LPIN1: variants seen among roughly 807,000 people sequenced by gnomAD.
LPIN1 encodes phosphatidate phosphatase LPIN1.
In LPIN1, 71 loss-of-function variants were observed where a neutral mutation model predicts 107.5. The ratio of observed to expected loss-of-function variants is 0.66; its 90% CI spans 0.55 to 0.80. LPIN1 has a LOEUF of 0.80. Among genes scored for constraint, LPIN1 ranks in the 30% least tolerant of loss-of-function variants. The pLI is 0.00. For missense variants in LPIN1, 1,043 were observed against 1,160.6 expected (o/e 0.90, Z 1.47); for synonymous variants, 445 against 452.6 (o/e 0.98, Z 0.21).
At chr2:11,791,649 TG>T in intron 12 of LPIN1, 1 of 1,290,622 alleles carries the variant, frequency 7.7e-7, no homozygotes, top group Non-Finnish European at 1.0e-6. Context: ...CTTTTTTTGT[TG>T]TTGTTGTTGT....
At chr2:11,711,376 T>C (rs2148524157) in intron 1 of LPIN1, among the ~76,000 whole-genome samples, 1 of 152,310 alleles carries the variant, frequency 6.6e-6, no homozygotes, top group East Asian at 1.9e-4. Flanking sequence ...AACGTATAGA[T>C]GAAGAAATCA....
At chr2:11,740,797 A>C (rs1666288237) in intron 1 of LPIN1, among the ~76,000 whole-genome samples, 1 of 152,156 alleles carries the variant, frequency 6.6e-6, no homozygotes, top group South Asian at 2.1e-4. Flanking sequence ...GGGGATAAAA[A>C]ATTTGAAGCC....
chr2:11,696,095 C>T (rs577581226), intron 1 of LPIN1, among the ~76,000 whole-genome samples: 4 of 142,652 alleles, frequency 2.8e-5, no homozygotes, highest in Admixed American at 2.2e-4. Flanking sequence ...AGGATCCATG[C>T]GGAGAACATG....
chr2:11,700,394 G>A (rs1393221626), intron 1 of LPIN1, among the ~76,000 whole-genome samples: 1 of 152,190 alleles, frequency 6.6e-6, no homozygotes, highest in African/African-American at 2.4e-5. Flanking sequence ...ACACTGGTTT[G>A]TGTGACCTTC....
chr2:11,764,078 G>T (rs7601813), intron 1 of LPIN1: 1 of 63,278 alleles, frequency 1.6e-5, no homozygotes, highest in Admixed American at 1.5e-4. Context: ...GTGTGTGTGT[G>T]TATATATATA....
intron 14 of LPIN1, among the ~76,000 whole-genome samples, chr2:11,798,368 T>G (rs573119965): frequency 3.9e-5 from 6 of 152,164 alleles, no homozygotes; most frequent in Admixed American, 3.9e-4. Flanking sequence ...GTGGGCACAG[T>G]GGCATTGCTG....
At chr2:11,712,534 C>T (rs1019923378) in intron 1 of LPIN1, among the ~76,000 whole-genome samples, 1 of 152,190 alleles carries the variant, frequency 6.6e-6, no homozygotes, top group African/African-American at 2.4e-5. Flanking sequence ...TTCCCAGTAC[C>T]TAGCGAAGTA....
upstream of LPIN1, chr2:11,745,804 C>G (rs1487284919): frequency 1.3e-5 from 2 of 152,562 alleles, no homozygotes; most frequent in African/African-American, 4.8e-5. Context: ...TTCCCTCCAG[C>G]CCACAGCACC....
In LPIN1 at chr2:11,771,759, C is replaced by A. The variant is rs1045790987; in HGVS notation, c.596+80C>A. The A allele has an allele frequency of 7.2e-7, 1 of 1,395,166 alleles. No homozygotes were observed. Among genetic ancestry groups the A allele is most frequent in the Non-Finnish European group, 9.8e-7 (1 of 1,018,386 alleles). The allele number at this position is 1,395,166 out of a possible 1,614,324, so 86.4% of individuals were successfully genotyped here. A position where few individuals can be genotyped will look rare whatever the true frequency, so the allele number is the denominator to read the frequency against. Reference sequence around the variant, plus strand: ...AAGATTATTTTTATGAACTTTTCCCCCATAATTCCTTATTCTTTTATGTGT... The same window carrying A: ...AAGATTATTTTTATGAACTTTTCCCACATAATTCCTTATTCTTTTATGTGT... On this transcript the variant is annotated intron_variant, in intron 4 of 20. Transcript: ENST00000674199. The surrounding 1 kb of genome is among the most constrained non-coding windows in gnomAD (Gnocchi z 4.8).
chr2:11,690,681 C>T (rs1263426056), intron 1 of LPIN1, among the ~76,000 whole-genome samples: 3 of 152,108 alleles, frequency 2.0e-5, no homozygotes, highest in African/African-American at 7.2e-5. Flanking sequence ...TGGATGCTTC[C>T]TTACTATATT....
intron 13 of LPIN1, among the ~76,000 whole-genome samples, chr2:11,793,596 G>A (rs1676158262): frequency 6.6e-6 from 1 of 152,170 alleles, no homozygotes; most frequent in African/African-American, 2.4e-5. Flanking sequence ...TTCAATGGCT[G>A]AAGGTACCTT....
At chr2:11,811,150 T>C (rs1679575189) in intron 17 of LPIN1, among the ~76,000 whole-genome samples, 1 of 152,224 alleles carries the variant, frequency 6.6e-6, no homozygotes, top group Admixed American at 6.5e-5. Flanking sequence ...TGCCATGCCC[T>C]GTGCGTACCC....
intron 1 of LPIN1, among the ~76,000 whole-genome samples, chr2:11,759,551 G>T (rs1669303509): frequency 1.3e-5 from 2 of 152,194 alleles, no homozygotes; most frequent in South Asian, 4.1e-4. Flanking sequence ...TCTTAGTACA[G>T]AACAAAATGG....
At chr2:11,706,422 G>T (rs57182133) in intron 1 of LPIN1, among the ~76,000 whole-genome samples, 2,483 of 152,280 alleles carry the variant, frequency 0.016, 24 homozygotes, top group South Asian at 0.033. Flanking sequence ...TGGAATTAAG[G>T]TTACTCATCA....
chr2:11,710,170 A>G (rs534332506), intron 1 of LPIN1, among the ~76,000 whole-genome samples: 2 of 152,272 alleles, frequency 1.3e-5, no homozygotes, highest in Middle Eastern at 3.4e-3. Flanking sequence ...TGAAGGCTCC[A>G]TCTTCATCAC....
In LPIN1 at chr2:11,771,267, G is replaced by A. The variant is rs1671794053; in HGVS notation, c.289-105G>A. ...GGGCCATCTGCTGTGGCCCTCCCCA[G>A]GAGGTGCTTGGCCTCTGAAGTGAAT... On this transcript the variant is annotated intron_variant, in intron 3 of 20. Transcript: ENST00000674199. This position sits in a 1 kb window ranked among gnomAD's most constrained non-coding sequence, Gnocchi z 4.8. 1 of 1,124,404 alleles carries A rather than the reference G, an allele frequency of 8.9e-7. No homozygotes were observed. The highest frequency in any genetic ancestry group is 1.3e-6 in the Non-Finnish European group (1 of 748,116). The allele number at this position is 1,124,404 out of a possible 1,614,324, so 69.7% of individuals were successfully genotyped here. A position where few individuals can be genotyped will look rare whatever the true frequency, so the allele number is the denominator to read the frequency against.
chr2:11,726,642 A>G (rs1228863926), intron 1 of LPIN1, among the ~76,000 whole-genome samples: 1 of 152,084 alleles, frequency 6.6e-6, no homozygotes, highest in Admixed American at 6.5e-5. Flanking sequence ...GACTTTAGCA[A>G]TCATGTGATA....
intron 1 of LPIN1, among the ~76,000 whole-genome samples, chr2:11,695,115 G>A (rs1366066298): frequency 6.6e-6 from 1 of 152,150 alleles, no homozygotes; most frequent in Non-Finnish European, 1.5e-5. Context: ...GACTGTGTTG[G>A]GAACTTGGAG....
At position 11,708,602 on chromosome 2, in the gene LPIN1, G is replaced by A. The variant is rs560806924; in HGVS notation, c.82-5154G>A. ...GGTTTTCAGTGGGGAATGATGTGGT[G>A]TGATGTGCTCAATGGAGCAGGAGGC... On this transcript the variant is annotated intron_variant, in intron 1 of 21. Transcript: ENST00000449576. 9.3e-4 allele frequency among the ~76,000 whole-genome samples: 142 copies of A among 152,320 alleles called. No individual in the cohort carries two copies. In the Middle Eastern group the frequency reaches 0.014, roughly 15 times the overall value.
Sources: allele counts gnomAD v4.1 joint callset (sites outside exome capture counted in the v4.1 genomes callset), GRCh38; gene constraint gnomAD v4.1.1; non-coding constraint Gnocchi (gnomAD v3.1); transcripts MANE v1.5; gene names NCBI Gene and HGNC (gene_info 2026-07-23, HGNC 2026-07-21).